The following FRYL variants were observed in gnomAD, a reference collection of about 807,000 sequenced individuals.
FRYL encodes FRY like transcription coactivator.
In FRYL, 150 loss-of-function variants were observed where a neutral mutation model predicts 351.2. The ratio of observed to expected loss-of-function variants is 0.43; its 90% CI spans 0.37 to 0.49. The LOEUF (loss-of-function observed/expected upper bound fraction) is 0.49. Ranked by LOEUF, FRYL falls within the 20% of genes least tolerant of loss-of-function variation. FRYL has a pLI of 0.00. For synonymous variants in FRYL, 1,153 were observed against 1,257.1 expected (o/e 0.92, Z 1.75); for missense variants, 3,036 against 3,619.3 (o/e 0.84, Z 4.13).
At chr4:48,565,168 T>G in intron 29 of FRYL, 125 bp from the exon 30 acceptor site, 2 of 525,622 alleles carry the variant, frequency 3.8e-6, no homozygotes, top group East Asian at 6.5e-5. Flanking sequence ...TACAAATTAT[T>G]TTTTAAAACT....
chr4:48,539,805 C>T (rs934763300), intron 47 of FRYL, among the ~76,000 whole-genome samples, 166 bp downstream of exon 47: 2 of 152,120 alleles, frequency 1.3e-5, no homozygotes, highest in African/African-American at 4.8e-5. Flanking sequence ...TTGTAACTTA[C>T]GCCATTACTA....
In FRYL at chr4:48,602,060, T is replaced by C; in HGVS notation, c.995A>G (p.Asn332Ser). 6.2e-7 allele frequency: 1 copy of C among 1,602,110 alleles called. No homozygotes were observed. Among genetic ancestry groups the C allele is most frequent in the Non-Finnish European group, 8.5e-7 (1 of 1,169,680 alleles). The change falls in exon 13 of 64, where the codon AAC becomes AGC. Residue 332 changes from asparagine to serine, a missense_variant. Asn to Ser is a conservative substitution (Grantham distance 46). This residue lies in a region of FRYL where 457 missense variants were observed against 566.6 expected (regional missense o/e 0.81). Transcript: ENST00000358350. Reference protein sequence around the residue: ...CVSQKQFFLNNWHIFLQNCLS... With the variant: ...CVSQKQFFLNSWHIFLQNCLS... ...ACAGTTCTGTAGGAAAATATGCCAG[T>C]TATTTAAAAAAAATTGTTTCTGACT...
chr4:48,540,377 A>G lies in FRYL; in HGVS notation c.6271T>C (p.Leu2091=), dbSNP rs1383710015. The G allele has an allele frequency of 8.1e-6, 13 of 1,613,506 alleles. No individual in the cohort carries two copies. Among genetic ancestry groups the G allele is most frequent in the Admixed American group, 3.3e-5 (2 of 59,974 alleles). The part of the protein sequence containing the change: ...SKLISVSKHT[L]VDPSQLSGFP... ...CCTGACAATTGGGAAGGATCCACCA[A>G]TGTATGTTTGGAGACAGAAATGAGT... is the stretch of plus-strand genomic sequence containing the variant. The change falls in exon 46 of 64, where the codon TTG becomes CTG. Residue 2091 remains leucine, a synonymous_variant. Transcript: ENST00000358350.
chr4:48,510,914 A>G lies in FRYL; in HGVS notation c.8216T>C (p.Ile2739Thr). Residue 2739 changes from isoleucine to threonine, a missense_variant, in exon 58 of 64, where the codon ATT (isoleucine) becomes ACT (threonine). By Grantham distance (89) the Ile-to-Thr change is moderately conservative (BLOSUM62 -1). This residue lies in a region of FRYL where 1,987 missense variants were observed against 2,311.7 expected (regional missense o/e 0.86). Transcript: ENST00000358350. The stretch of plus-strand genomic sequence containing the variant: ...CAAGGAACTTTTAAATTTGGTACCA[A>G]TGCGTTGCAGACTATCACCAAGAAA... Reference protein sequence around the residue: ...VSFLGDSLQRIGTKFKSSLEV... With the variant: ...VSFLGDSLQRTGTKFKSSLEV... 6.2e-7 allele frequency: 1 copy of G among 1,612,398 alleles called. No homozygotes were observed. Among genetic ancestry groups the G allele is most frequent in the South Asian group, 1.1e-5 (1 of 90,986 alleles).
At chr4:48,578,710 G>T (rs2149145174) in intron 23 of FRYL, among the ~76,000 whole-genome samples, 1 of 152,140 alleles carries the variant, frequency 6.6e-6, no homozygotes, top group East Asian at 1.9e-4. Flanking sequence ...ACACAGATTC[G>T]ATGGACACAA....
At chr4:48,669,906 AT>A (rs1324367036) in intron 3 of FRYL, among the ~76,000 whole-genome samples, 2 of 151,622 alleles carry the variant, frequency 1.3e-5, no homozygotes, top group Non-Finnish European at 2.9e-5. Context: ...TTTTAAAATA[AT>A]TTTTTTACTG....
In FRYL at chr4:48,729,000, C is replaced by T. The variant is rs184525322; in HGVS notation, c.-383-18302G>A. On this transcript the variant is annotated intron_variant, in intron 1 of 63. Transcript: ENST00000358350. ...AGCCGTGAGTGACTGTACCTGGAGG[C>T]GCAGTACACTCTTGCCTAAATACTG... Among the ~76,000 whole-genome samples the T allele has an allele frequency of 3.0e-3, 454 of 152,330 alleles. 9 individuals carry two copies. The highest frequency in any genetic ancestry group is 0.026 in the Admixed American group (399 of 15,294).
chr4:48,629,964 C>T (rs1752632088), intron 4 of FRYL, among the ~76,000 whole-genome samples: 2 of 152,272 alleles, frequency 1.3e-5, no homozygotes, highest in Middle Eastern at 3.4e-3. Flanking sequence ...ATGATGCTGA[C>T]TGGGGCATAC....
At chr4:48,506,227 T>C (rs1720878178) in intron 59 of FRYL, 1 of 152,038 alleles carries the variant, frequency 6.6e-6, no homozygotes, top group African/African-American at 2.4e-5. Context: ...TCTGGGGGTA[T>C]TCCTAATGTT....
At chr4:48,671,858 C>CAAACAAAAAAAAAA (rs1762752462) in intron 3 of FRYL, among the ~76,000 whole-genome samples, 1 of 22,398 alleles carries the variant, frequency 4.5e-5, no homozygotes, top group African/African-American at 1.3e-4. Context: ...GTCTCAAAAA[C>CAAACAAAAAAAAAA]AAAAAAAAAA....
intron 1 of FRYL, among the ~76,000 whole-genome samples, chr4:48,755,139 A>G (rs1773643747): frequency 6.6e-6 from 1 of 152,128 alleles, no homozygotes; most frequent in South Asian, 2.1e-4. Flanking sequence ...GAGTTTATTA[A>G]TTAAAATATT....
chr4:48,763,998 G>A (rs1362590469), intron 1 of FRYL, among the ~76,000 whole-genome samples: 12 of 151,626 alleles, frequency 7.9e-5, no homozygotes, highest in Non-Finnish European at 8.8e-5. Context: ...GTGAAACCCC[G>A]TCTCTACTAA....
At chr4:48,596,694 A>C (rs1391176348) in intron 13 of FRYL, among the ~76,000 whole-genome samples, 2 of 152,128 alleles carry the variant, frequency 1.3e-5, no homozygotes, top group African/African-American at 2.4e-5. Flanking sequence ...AAGTGTTATA[A>C]TTTTTATTTA....
At chr4:48,757,129 G>A (rs1285980239) in intron 1 of FRYL, among the ~76,000 whole-genome samples, 2 of 152,134 alleles carry the variant, frequency 1.3e-5, no homozygotes, top group Non-Finnish European at 2.9e-5. Context: ...AACTGAAAAT[G>A]AAAGGTGAAG....
intron 1 of FRYL, among the ~76,000 whole-genome samples, chr4:48,720,208 T>C (rs1769316166): frequency 7.2e-6 from 1 of 138,810 alleles, no homozygotes; most frequent in African/African-American, 2.6e-5. Flanking sequence ...TTTTAAAATG[T>C]ACATTAAGGC....
chr4:48,500,823 G>A (rs750295424), intron 62 of FRYL, among the ~76,000 whole-genome samples: 23 of 152,156 alleles, frequency 1.5e-4, no homozygotes, highest in Non-Finnish European at 2.5e-4. Flanking sequence ...GGTGGCTTAT[G>A]CCTGTAATCC....
At chr4:48,628,463 T>TGTG (rs1578418587) in intron 4 of FRYL, among the ~76,000 whole-genome samples, 1 of 150,892 alleles carries the variant, frequency 6.6e-6, no homozygotes, top group Non-Finnish European at 1.5e-5. Context: ...TGTGTGTGTG[T>TGTG]TTAAAGGTGA....
Position 48,575,255 on chromosome 4 carries a change from A to G in FRYL, c.2722-14T>C. 1 of 1,612,366 alleles carries G rather than the reference A, an allele frequency of 6.2e-7. No individual in the cohort carries two copies. Among genetic ancestry groups the G allele is most frequent in the Non-Finnish European group, 8.5e-7 (1 of 1,178,690 alleles). On this transcript the variant is annotated splice_polypyrimidine_tract_variant and intron_variant, in intron 24 of 63. Coordinates refer to ENST00000358350, the MANE Select transcript of FRYL (RefSeq NM_015030.2). The stretch of plus-strand genomic sequence containing the variant: ...GATGCCAATAATCTGGAAAAAAAAT[A>G]TCGTATTTGTAACAGCCACTAATGA...
At position 48,716,162 on chromosome 4, in the gene FRYL, C is replaced by T. The variant is rs1239500015; in HGVS notation, c.-383-5464G>A. On this transcript the variant is annotated intron_variant, in intron 1 of 63. Coordinates refer to ENST00000358350, the MANE Select transcript of FRYL (RefSeq NM_015030.2). ...AAGACTTAAACGTTAGACCTAAAAC[C>T]GTAAAAACCCTAGAAGAAAACCTAG... Among the ~76,000 whole-genome samples, 6 of 152,012 alleles carry T rather than the reference C, an allele frequency of 3.9e-5. No homozygotes were observed. The South Asian group carries it at 1.2e-3, about 32-fold the overall frequency.
Sources: allele counts gnomAD v4.1 joint callset (sites outside exome capture counted in the v4.1 genomes callset), GRCh38; gene constraint gnomAD v4.1.1; regional missense constraint gnomAD v4.1.1; transcripts MANE v1.5; gene names NCBI Gene and HGNC (gene_info 2026-07-23, HGNC 2026-07-21).